The following CXCL12 variants were observed in gnomAD, a reference collection of about 807,000 sequenced individuals.
The protein encoded by CXCL12 is stromal cell-derived factor 1.
In CXCL12, 4 loss-of-function variants were observed where a neutral mutation model predicts 10.7. The observed-to-expected ratio is 0.37, with a 90% CI of 0.18 to 0.86. The LOEUF is 0.86. Among genes scored for constraint, CXCL12 ranks in the 40% least tolerant of loss-of-function variants. The pLI is 0.43. For missense variants in CXCL12, 122 were observed against 110.4 expected, an observed-to-expected ratio of 1.10 and a Z score of -0.47; for synonymous variants, 54 against 45.4, an observed-to-expected ratio of 1.19 and a Z score of -0.77.
intron 1 of CXCL12, among the ~76,000 whole-genome samples, chr10:44,383,651 C>A (rs1160853887): frequency 7.8e-6 from 1 of 128,794 alleles, no homozygotes; most frequent in African/African-American, 3.0e-5. Context: ...GCCTCAGGGA[C>A]TTTTCATCAA....
chr10:44,374,676 C>T (rs180767348), downstream of CXCL12: 29 of 456,058 alleles, frequency 6.4e-5, no homozygotes, highest in Admixed American at 1.9e-4. Context: ...CACCACGCTC[C>T]GGGACAGGGT....
At chr10:44,373,549 C>A (rs978714700), downstream of CXCL12, among the ~76,000 whole-genome samples, 14 of 152,222 alleles carry the variant, frequency 9.2e-5, no homozygotes, top group African/African-American at 2.9e-4. Flanking sequence ...CGGAGGGACC[C>A]ATGGATGGCA....
chr10:44,385,018 CGG>C lies in CXCL12; in HGVS notation c.-15_-14del. 1 of 81,286 alleles carries C rather than the reference CGG, an allele frequency of 1.2e-5. No individual in the cohort carries two copies. 5.0% of individuals were successfully genotyped at this position (81,286 alleles called of 1,614,324 possible). On this transcript the variant is annotated 5_prime_UTR_variant, in exon 1 of 3. Coordinates refer to ENST00000343575, the MANE Select transcript of CXCL12 (RefSeq NM_199168.4). ...CCTTGGCGTTCATGGCGCGGGCGGGCGGGCGGGCGGGCGGACGAGCGCGGGTC... is the reference window on the plus strand; with the variant it reads ...CCTTGGCGTTCATGGCGCGGGCGGGCGCGGGCGGGCGGACGAGCGCGGGTC...
intron 1 of CXCL12, among the ~76,000 whole-genome samples, chr10:44,384,169 G>A (rs575302270): frequency 6.6e-6 from 1 of 152,182 alleles, no homozygotes; most frequent in Non-Finnish European, 1.5e-5. Context: ...AAAAGAGCCT[G>A]TCTGCAGGTG....
intron 1 of CXCL12, among the ~76,000 whole-genome samples, chr10:44,383,488 C>T (rs973876525): frequency 6.6e-6 from 1 of 151,894 alleles, no homozygotes; most frequent in African/African-American, 2.4e-5. Flanking sequence ...TTTCCCAGAG[C>T]GGCGCACTGT....
At chr10:44,380,491 AGCTGT>A in intron 2 of CXCL12, 1 of 406,094 alleles carries the variant, frequency 2.5e-6, no homozygotes, top group Non-Finnish European at 4.5e-6. Flanking sequence ...TCCAGCATCC[AGCTGT>A]GCTGTGCTGA....
At chr10:44,373,143 GA>G, downstream of CXCL12, 5 of 1,534,816 alleles carry the variant, frequency 3.3e-6, no homozygotes, top group Non-Finnish European at 2.6e-6. Flanking sequence ...CAAACTAAAT[GA>G]AAAATAAATG....
intron 1 of CXCL12, among the ~76,000 whole-genome samples, chr10:44,382,053 TTGC>T: frequency 6.6e-6 from 1 of 152,048 alleles, no homozygotes; most frequent in East Asian, 1.9e-4. Context: ...GGACTAGGAA[TTGC>T]ATTGTGTATT....
At chr10:44,377,059 C>G, downstream of CXCL12, 5 of 983,274 alleles carry the variant, frequency 5.1e-6, no homozygotes, top group Non-Finnish European at 6.0e-6. Flanking sequence ...CCAGAAACGT[C>G]TATAAGCTCC....
At chr10:44,376,100 G>C (rs2297630), downstream of CXCL12, 7 of 1,562,468 alleles carry the variant, frequency 4.5e-6, no homozygotes, top group Non-Finnish European at 6.1e-6. Flanking sequence ...GTCTGCATAA[G>C]ATTTAACACT....
chr10:44,381,129 A>AG (rs1839619841), intron 1 of CXCL12, among the ~76,000 whole-genome samples: 1 of 152,198 alleles, frequency 6.6e-6, no homozygotes, highest in Non-Finnish European at 1.5e-5. Flanking sequence ...AGCCTAGATG[A>AG]GGCGGGAGTT....
At chr10:44,375,874 G>A, downstream of CXCL12, 1 of 1,605,020 alleles carries the variant, frequency 6.2e-7, no homozygotes, top group Non-Finnish European at 8.5e-7. Context: ...CCTGGAGGAG[G>A]ATCGAGCAAA....
chr10:44,375,337 A>G (rs1839423641), downstream of CXCL12, among the ~76,000 whole-genome samples: 1 of 152,246 alleles, frequency 6.6e-6, no homozygotes. Flanking sequence ...GGGGCTGAAG[A>G]AGCCCCTTCC....
At chr10:44,375,926 AGGT>A, downstream of CXCL12, 3 of 1,611,234 alleles carry the variant, frequency 1.9e-6, no homozygotes, top group Non-Finnish European at 2.5e-6. Context: ...GTCCATCTCG[AGGT>A]GGCAGATAAC....
At chr10:44,373,468 GCC>G, downstream of CXCL12, 2 of 812,874 alleles carry the variant, frequency 2.5e-6, no homozygotes, top group Non-Finnish European at 4.2e-6. Context: ...TGCCACCTTG[GCC>G]ATGCATCTCC....
At chr10:44,371,996 ATG>A (rs1839327761), downstream of CXCL12, 1 of 152,280 alleles carries the variant, frequency 6.6e-6, no homozygotes, top group African/African-American at 2.4e-5. Context: ...TCTTAGAGAA[ATG>A]TCCTGTGGGA....
chr10:44,371,327 T>C, downstream of CXCL12: 1 of 470,296 alleles, frequency 2.1e-6, no homozygotes, highest in Non-Finnish European at 4.2e-6. Context: ...AAGAATTCAA[T>C]GGTCTTGGTT....
intron 1 of CXCL12, among the ~76,000 whole-genome samples, chr10:44,381,642 C>T (rs1439662146): frequency 1.3e-5 from 2 of 152,228 alleles, no homozygotes; most frequent in African/African-American, 4.8e-5. Context: ...CCATAATTGA[C>T]ACTCATTAGT....
downstream of CXCL12, among the ~76,000 whole-genome samples, chr10:44,376,278 A>G (rs1015242192): frequency 4.6e-5 from 7 of 152,182 alleles, no homozygotes; most frequent in African/African-American, 1.2e-4. Context: ...GCGACTGCCA[A>G]TCTGCCAACC....
Sources: allele counts gnomAD v4.1 joint callset (sites outside exome capture counted in the v4.1 genomes callset), GRCh38; gene constraint gnomAD v4.1.1; transcripts MANE v1.5; gene names NCBI Gene and HGNC (gene_info 2026-07-23, HGNC 2026-07-21).